Variants in RBM20 observed in about 807,000 individuals in gnomAD.
The protein encoded by RBM20 is RNA binding motif protein 20.
Under a neutral mutation model 110.1 loss-of-function variants are expected in RBM20, and 51 were observed. That is an observed-to-expected ratio of 0.46 (90% CI 0.37 to 0.59). RBM20 has a LOEUF of 0.59. Among genes scored for constraint, RBM20 ranks in the 20% least tolerant of loss-of-function variants. RBM20 has a pLI of 0.00. For synonymous variants in RBM20, 589 were observed against 618.2 expected, an observed-to-expected ratio of 0.95 and a Z score of 0.70; for missense variants, 1,512 against 1,574.9, an observed-to-expected ratio of 0.96 and a Z score of 0.68.
intron 1 of RBM20, among the ~76,000 whole-genome samples, chr10:110,729,923 C>T (rs909986816): frequency 1.3e-5 from 2 of 152,230 alleles, no homozygotes; most frequent in African/African-American, 2.4e-5. Context: ...TCAAGTGATT[C>T]GCCTGCCTCA....
At position 110,784,305 on chromosome 10, in the gene RBM20, A is replaced by C. The variant is rs7898438; in HGVS notation, c.1338-36A>C. 0.6 allele frequency: 861,256 copies of C among 1,445,772 alleles called. 261,843 individuals carry two copies. The highest frequency in any genetic ancestry group is 0.91 in the East Asian group (36,858 of 40,442). The allele number at this position is 1,445,772 out of a possible 1,614,324, so 89.6% of individuals were successfully genotyped here. ...CACATGCTAATTCTTTGTTTAACTT[A>C]TTAAGGAGCCGGTTTCCCTTTCTCG... On this transcript the variant is annotated intron_variant, in intron 3 of 13. Transcript: ENST00000369519.
chr10:110,661,245 A>G (rs1862096961), intron 1 of RBM20, among the ~76,000 whole-genome samples: 1 of 152,136 alleles, frequency 6.6e-6, no homozygotes, highest in Non-Finnish European at 1.5e-5. Context: ...CTGAAAGTGG[A>G]AGGTGTTAGA....
intron 1 of RBM20, among the ~76,000 whole-genome samples, chr10:110,716,251 A>T (rs760849242): frequency 2.0e-5 from 3 of 152,158 alleles, no homozygotes; most frequent in Non-Finnish European, 4.4e-5. Context: ...AAGGCCCCAG[A>T]TGTCTCCCTC....
chr10:110,705,553 T>C (rs12220181), intron 1 of RBM20, among the ~76,000 whole-genome samples: 26,273 of 152,212 alleles, frequency 0.17, 2,441 homozygotes, highest in East Asian at 0.32. Flanking sequence ...ATTTATTTTC[T>C]AAATCTGTGT....
At chr10:110,780,005 G>T (rs1844316306) in intron 1 of RBM20, among the ~76,000 whole-genome samples, 1 of 151,120 alleles carries the variant, frequency 6.6e-6, no homozygotes. Context: ...TTGTTTTTTT[G>T]TAACAGAGAC....
At chr10:110,689,953 C>G (rs1017310357) in intron 1 of RBM20, among the ~76,000 whole-genome samples, 31 of 152,094 alleles carry the variant, frequency 2.0e-4, no homozygotes, top group Admixed American at 1.7e-3. Flanking sequence ...TTAAGTGCTT[C>G]CAGAAAATGG....
intron 1 of RBM20, among the ~76,000 whole-genome samples, chr10:110,730,223 T>C (rs1843606477): frequency 1.3e-5 from 2 of 152,228 alleles, no homozygotes; most frequent in African/African-American, 4.8e-5. Context: ...CAGCAGCTAA[T>C]TGGTTGCTTA....
At chr10:110,708,956 C>T (rs1862882449) in intron 1 of RBM20, among the ~76,000 whole-genome samples, 1 of 152,184 alleles carries the variant, frequency 6.6e-6, no homozygotes, top group African/African-American at 2.4e-5. Context: ...GGCCTGGCGT[C>T]CAATTTCACG....
chr10:110,812,236 A>T, intron 8 of RBM20, 42 bp from the exon 9 acceptor site: 1 of 1,481,572 alleles, frequency 6.7e-7, no homozygotes. Context: ...GTGGGATGGG[A>T]GGTGTGAAGA....
intron 1 of RBM20, among the ~76,000 whole-genome samples, chr10:110,662,012 G>GAAAAAA (rs991849689): frequency 4.8e-5 from 7 of 145,258 alleles, no homozygotes; most frequent in Admixed American, 1.4e-4. Context: ...CTGGTCTCAG[G>GAAAAAA]AAAAAAAAAA....
intron 1 of RBM20, among the ~76,000 whole-genome samples, chr10:110,674,868 T>C (rs1862315534): frequency 6.6e-6 from 1 of 152,242 alleles, no homozygotes; most frequent in African/African-American, 2.4e-5. Flanking sequence ...TGTCTGTGTG[T>C]GTGCACACAC....
chr10:110,782,249 G>A (rs1315929595), intron 2 of RBM20, among the ~76,000 whole-genome samples: 1 of 152,178 alleles, frequency 6.6e-6, no homozygotes, highest in South Asian at 2.1e-4. Flanking sequence ...ACTGCCCCTT[G>A]AGTACCCATA....
intron 1 of RBM20, among the ~76,000 whole-genome samples, chr10:110,712,060 G>A (rs891665364): frequency 1.3e-5 from 2 of 152,198 alleles, no homozygotes; most frequent in Non-Finnish European, 2.9e-5. Context: ...TAAGATCCAA[G>A]TATGGAAGTA....
intron 1 of RBM20, among the ~76,000 whole-genome samples, chr10:110,762,069 G>A (rs1844012085): frequency 6.6e-6 from 1 of 152,208 alleles, no homozygotes; most frequent in Admixed American, 6.5e-5. Context: ...TGTACTGGGA[G>A]GTGCTTTAGT....
At chr10:110,720,113 A>T (rs981439533) in intron 1 of RBM20, among the ~76,000 whole-genome samples, 1 of 152,046 alleles carries the variant, frequency 6.6e-6, no homozygotes, top group Admixed American at 6.6e-5. Context: ...TGACCTAATC[A>T]CCTCCTAAAG....
At chr10:110,790,051 G>A (rs1027491798) in intron 5 of RBM20, among the ~76,000 whole-genome samples, 4 of 152,246 alleles carry the variant, frequency 2.6e-5, no homozygotes, top group Non-Finnish European at 4.4e-5. Flanking sequence ...GATACACATC[G>A]TTTTTATTAT....
rs191991069 is a variant in RBM20, at chr10:110,789,084, C to A, written c.1527+4195C>A. 1.1e-4 allele frequency among the ~76,000 whole-genome samples: 17 copies of A among 152,344 alleles called. No homozygotes were observed. The East Asian group carries it at 3.1e-3, about 28-fold the overall frequency. On this transcript the variant is annotated intron_variant, in intron 5 of 13. Transcript: ENST00000369519. ...TATGTCTGATTCCATTTACATGCAT[C>A]TTTTCAGAAACACTTTTTTTTGAGT...
chr10:110,739,902 G>A lies in RBM20; in HGVS notation c.192-40899G>A, dbSNP rs533098484. On this transcript the variant is annotated intron_variant, in intron 1 of 13. Transcript: ENST00000369519. The surrounding 1 kb of genome is among the most constrained non-coding windows in gnomAD (Gnocchi z 4.1). ...TGAGGAAGCCACTCCCAGCGGCCCT[G>A]CCCGTCTGGGTCCTCCTGCCCTCAC... is the stretch of plus-strand genomic sequence containing the variant. 3.3e-5 allele frequency among the ~76,000 whole-genome samples: 5 copies of A among 152,324 alleles called. No individual in the cohort carries two copies. In the South Asian group the frequency reaches 1.0e-3, roughly 32 times the overall value.
chr10:110,799,301 C>T (rs772045343), intron 6 of RBM20, among the ~76,000 whole-genome samples: 1 of 152,104 alleles, frequency 6.6e-6, no homozygotes, highest in Non-Finnish European at 1.5e-5. Context: ...CATGATGTAG[C>T]CCAGGACAGA....
Sources: allele counts gnomAD v4.1 joint callset (sites outside exome capture counted in the v4.1 genomes callset), GRCh38; gene constraint gnomAD v4.1.1; non-coding constraint Gnocchi (gnomAD v3.1); transcripts MANE v1.5; gene names NCBI Gene and HGNC (gene_info 2026-07-23, HGNC 2026-07-21).